The following XPO7 variants were observed in gnomAD, a reference collection of about 807,000 sequenced individuals.
XPO7 encodes exportin-7.
A neutral mutation model predicts 144.3 loss-of-function variants in XPO7; 21 were observed. That is an observed-to-expected ratio of 0.15 (90% CI 0.10 to 0.21). The LOEUF is 0.21. Ranked by LOEUF, XPO7 falls within the 10% of genes least tolerant of loss-of-function variation. The probability of loss-of-function intolerance (pLI) is 1.00; values close to 1 mark genes in which losing one functional copy is unlikely to be tolerated. For missense variants in XPO7, 808 were observed against 1,325.8 expected (o/e 0.61, Z 6.06); for synonymous variants, 580 against 499.6 (o/e 1.16, Z -2.15).
At chr8:21,995,091 G>A (rs1019379990) in intron 20 of XPO7, among the ~76,000 whole-genome samples, 3 of 151,378 alleles carry the variant, frequency 2.0e-5, no homozygotes, top group Non-Finnish European at 4.4e-5. Context: ...ATAATAAACA[G>A]CTTTTACAAA....
chr8:21,969,398 A>ATC (rs1254337030), intron 2 of XPO7, 85 bp from the exon 3 acceptor site: 3 of 1,184,186 alleles, frequency 2.5e-6, no homozygotes, highest in Non-Finnish European at 3.6e-6. Context: ...CTTTTCTTGA[A>ATC]TCTGAGCAGA....
chr8:21,930,271 C>T (rs191658885), intron 1 of XPO7, among the ~76,000 whole-genome samples: 32 of 152,228 alleles, frequency 2.1e-4, no homozygotes, highest in Admixed American at 1.3e-3. Flanking sequence ...GTAAACATTC[C>T]CTCATTTGGC....
At chr8:21,927,050 TA>T (rs1810480218) in intron 1 of XPO7, among the ~76,000 whole-genome samples, 2 of 152,188 alleles carry the variant, frequency 1.3e-5, no homozygotes, top group South Asian at 4.1e-4. Context: ...AAAACCAAAT[TA>T]AATTGTTTTT....
At chr8:21,957,270 G>T (rs1026758588) in intron 1 of XPO7, among the ~76,000 whole-genome samples, 3 of 152,106 alleles carry the variant, frequency 2.0e-5, no homozygotes, top group Non-Finnish European at 2.9e-5. Context: ...GTGTCTCTCA[G>T]TCCAAAGAGA....
At chr8:21,945,153 G>A (rs1254812696) in intron 1 of XPO7, among the ~76,000 whole-genome samples, 3 of 152,200 alleles carry the variant, frequency 2.0e-5, no homozygotes, top group Admixed American at 6.5e-5. Context: ...CGGCCGGGCA[G>A]AGGGGCTCTT....
At chr8:21,937,978 C>T (rs1412376180) in intron 1 of XPO7, among the ~76,000 whole-genome samples, 2 of 152,220 alleles carry the variant, frequency 1.3e-5, no homozygotes, top group Non-Finnish European at 2.9e-5. Context: ...ATGAGCCTTT[C>T]ATATCAATTT....
Position 21,999,301 on chromosome 8 carries a change from T to G in XPO7, c.2639T>G (p.Leu880Arg). The change falls in exon 23 of 28, where the codon CTC (leucine) becomes CGC (arginine). Residue 880 changes from leucine (L) to arginine (R), a missense_variant. By Grantham distance (102) the Leu-to-Arg change is moderately radical (BLOSUM62 -2). Coordinates refer to ENST00000252512, the MANE Select transcript of XPO7 (RefSeq NM_015024.5). Reference sequence around the variant, plus strand: ...CTCCTCTCTATTCCTCACAGTGATCTCTTGGTAAGCCTTACGCTGCATTGC... The same window carrying G: ...CTCCTCTCTATTCCTCACAGTGATCGCTTGGTAAGCCTTACGCTGCATTGC... ...KLLLSIPHSD[L>R]LDYPKLSQSY... is the part of the protein sequence containing the mutation. The G allele has an allele frequency of 6.2e-7, 1 of 1,612,784 alleles. No individual in the cohort carries two copies. Among genetic ancestry groups the G allele is most frequent in the Non-Finnish European group, 8.5e-7 (1 of 1,179,874 alleles).
At chr8:21,947,136 C>T (rs1004997721) in intron 1 of XPO7, among the ~76,000 whole-genome samples, 5 of 152,130 alleles carry the variant, frequency 3.3e-5, no homozygotes, top group African/African-American at 7.2e-5. Context: ...ATCTAAACAT[C>T]GTATGACATA....
intron 1 of XPO7, chr8:21,966,118 C>A: frequency 3.3e-6 from 2 of 614,912 alleles, no homozygotes; most frequent in South Asian, 2.0e-5. Context: ...CCCTTCCTGC[C>A]TCCCTGGAAC....
intron 1 of XPO7, among the ~76,000 whole-genome samples, chr8:21,948,045 G>C (rs554490240): frequency 9.9e-5 from 15 of 152,222 alleles, no homozygotes; most frequent in Non-Finnish European, 1.5e-4. Flanking sequence ...AGTAATGAGA[G>C]AGTAAGTTTA....
In XPO7 at chr8:21,999,071, T is replaced by A; in HGVS notation, c.2429-20T>A. The A allele has an allele frequency of 1.2e-6, 2 of 1,613,654 alleles. No individual in the cohort carries two copies. Among genetic ancestry groups the A allele is most frequent in the Non-Finnish European group, 1.7e-6 (2 of 1,179,654 alleles). ...CGCTTCTAATGTGGTTGAATAAACA[T>A]ATATGACATGTCTACTCAGGCAATC... is the stretch of plus-strand genomic sequence containing the variant. On this transcript the variant is annotated intron_variant, in intron 22 of 27. Transcript: ENST00000252512.
intron 20 of XPO7, among the ~76,000 whole-genome samples, chr8:21,995,094 T>G (rs900522754): frequency 3.3e-5 from 5 of 151,690 alleles, no homozygotes; most frequent in African/African-American, 4.8e-5. Context: ...ATAAACAGCT[T>G]TTACAAATTA....
intron 25 of XPO7, among the ~76,000 whole-genome samples, chr8:22,002,549 C>T (rs988099498): frequency 2.6e-5 from 4 of 152,170 alleles, no homozygotes; most frequent in Non-Finnish European, 5.9e-5. Context: ...GTGAAAATTA[C>T]TTTGCTCACC....
chr8:21,980,230 G>A (rs1812359684), intron 9 of XPO7, 27 bp downstream of exon 9: 1 of 1,558,350 alleles, frequency 6.4e-7, no homozygotes, highest in Non-Finnish European at 8.7e-7. Context: ...ATTTACATAT[G>A]TATAGGATTA....
intron 1 of XPO7, among the ~76,000 whole-genome samples, chr8:21,939,482 A>T (rs1810923649): frequency 6.6e-6 from 1 of 152,058 alleles, no homozygotes; most frequent in Non-Finnish European, 1.5e-5. Flanking sequence ...CAGCCTCCCA[A>T]AGTGCTGGGA....
chr8:21,959,101 G>A (rs1265852979), intron 1 of XPO7, among the ~76,000 whole-genome samples: 2 of 152,178 alleles, frequency 1.3e-5, no homozygotes, highest in African/African-American at 2.4e-5. Context: ...ATATGGATTT[G>A]ATGATTACAA....
chr8:21,934,404 A>C (rs1170444881), intron 1 of XPO7, among the ~76,000 whole-genome samples: 1 of 152,106 alleles, frequency 6.6e-6, no homozygotes, highest in South Asian at 2.1e-4. Context: ...GTGGTGGCGC[A>C]TGCCTGTAAT....
Position 21,982,633 on chromosome 8 carries a change from T to A in XPO7, c.1105-7T>A. 6.4e-7 allele frequency: 1 copy of A among 1,572,886 alleles called. No homozygotes were observed. Among genetic ancestry groups the A allele is most frequent in the Non-Finnish European group, 8.6e-7 (1 of 1,161,740 alleles). ...AATATGCCTTCTGCTTTTCTACTTT[T>A]CTTTAGCACTGGGAATTTGCTCCAA... On this transcript the variant is annotated splice_polypyrimidine_tract_variant and splice_region_variant and intron_variant, in intron 10 of 27. Transcript: ENST00000252512.
At position 21,974,657 on chromosome 8, in the gene XPO7, T is replaced by A. The variant is rs1307949289; in HGVS notation, c.493-13T>A. ...ATTAATTCTTTGCATTGGTTTCTTC[T>A]TTTTCTGCACAGGCAGACACCACCC... On this transcript the variant is annotated splice_polypyrimidine_tract_variant and intron_variant, in intron 5 of 27. Coordinates refer to ENST00000252512, the MANE Select transcript of XPO7 (RefSeq NM_015024.5). 6.5e-7 allele frequency: 1 copy of A among 1,547,174 alleles called. No individual in the cohort carries two copies. Among genetic ancestry groups the A allele is most frequent in the Admixed American group, 2.2e-5 (1 of 46,194 alleles).
Sources: allele counts gnomAD v4.1 joint callset (sites outside exome capture counted in the v4.1 genomes callset), GRCh38; gene constraint gnomAD v4.1.1; transcripts MANE v1.5; gene names NCBI Gene and HGNC (gene_info 2026-07-23, HGNC 2026-07-21).